Variants in USH2A observed in about 807,000 individuals in gnomAD.
The protein encoded by USH2A is usherin, also known as Usher syndrome 2A (autosomal recessive, mild).
Under a neutral mutation model 538.9 loss-of-function variants are expected in USH2A, and 443 were observed. The ratio of observed to expected loss-of-function variants is 0.82; its 90% confidence interval spans 0.76 to 0.89. The LOEUF (loss-of-function observed/expected upper bound fraction) is 0.89. Among genes scored for constraint, USH2A ranks in the 40% least tolerant of loss-of-function variants. The probability of loss-of-function intolerance (pLI) is 0.00; values close to 1 mark genes in which losing one functional copy is unlikely to be tolerated. For synonymous variants in USH2A, 2,413 were observed against 2,273.5 expected (o/e 1.06, Z -1.75); for missense variants, 6,633 against 6,324.8 (o/e 1.05, Z -1.65).
chr1:216,309,455 C>G (rs548800489), intron 9 of USH2A, among the ~76,000 whole-genome samples: 2 of 152,076 alleles, frequency 1.3e-5, no homozygotes, highest in African/African-American at 4.8e-5. Context: ...ATGTTCAGCA[C>G]ATTTAGATTT....
intron 20 of USH2A, among the ~76,000 whole-genome samples, chr1:216,179,306 T>C (rs931672485): frequency 6.6e-6 from 1 of 152,128 alleles, no homozygotes; most frequent in Admixed American, 6.6e-5. Flanking sequence ...GAGCACACTT[T>C]TTTTTTAATT....
At position 215,859,199 on chromosome 1, in the gene USH2A, C is replaced by T. The variant is rs528606662; in HGVS notation, c.8845+7808G>A. 2.0e-5 allele frequency among the ~76,000 whole-genome samples: 3 copies of T among 152,186 alleles called. No homozygotes were observed. The East Asian group carries it at 5.8e-4, about 29-fold the overall frequency. On this transcript the variant is annotated intron_variant, in intron 44 of 71. Transcript: ENST00000307340. The stretch of plus-strand genomic sequence containing the variant: ...TAACACAGGTGTGAACTGCTTGGGT[C>T]CATTTATAAAGGGACTTTTTTCAAC...
In USH2A at chr1:216,097,097, G is replaced by C. The variant is rs866592573; in HGVS notation, c.4744C>G (p.Leu1582Val). 6.2e-7 allele frequency: 1 copy of C among 1,613,762 alleles called. No individual in the cohort carries two copies. Among genetic ancestry groups the C allele is most frequent in the East Asian group, 2.2e-5 (1 of 44,866 alleles). The change falls in exon 22 of 72, where the codon CTT becomes GTT. Residue 1582 changes from leucine (L) to valine (V), a missense_variant. Leu to Val is a conservative substitution (Grantham distance 32). Coordinates refer to ENST00000307340, the MANE Select transcript of USH2A (RefSeq NM_206933.4). ...TTCTCATTTACCTGAGGATCAAAAA[G>C]AAAATAAAGACGTCCCTTCTTCAAC... ...LQLKKGRLYF[L>V]FDPQGSPVEV...
At chr1:216,277,222 C>T (rs987894206) in intron 11 of USH2A, among the ~76,000 whole-genome samples, 1 of 152,144 alleles carries the variant, frequency 6.6e-6, no homozygotes, top group African/African-American at 2.4e-5. Flanking sequence ...CTTAATTGCT[C>T]TCCCAGCCCC....
rs563569058 is a variant in USH2A at position 216,145,608 on chromosome 1, C to T, written c.4627+29644G>A. On this transcript the variant is annotated intron_variant, in intron 21 of 71. Transcript: ENST00000307340. ...ATATTCCCACAAGTCCTGTGTCAGG[C>T]CTCTGAGCCCAAGCCAAGCCATCGC... 2.5e-4 allele frequency among the ~76,000 whole-genome samples: 38 copies of T among 152,324 alleles called. 1 individual carries two copies. In the South Asian group the frequency reaches 7.5e-3, roughly 30 times the overall value.
In USH2A at chr1:215,803,770, T is replaced by C. The variant is rs1476833006; in HGVS notation, c.9740-4645A>G. Among the ~76,000 whole-genome samples, 28 of 152,184 alleles carry C rather than the reference T, an allele frequency of 1.8e-4. No homozygotes were observed. In the East Asian group the frequency reaches 5.2e-3, roughly 28 times the overall value. On this transcript the variant is annotated intron_variant, in intron 49 of 71. Coordinates refer to ENST00000307340, the MANE Select transcript of USH2A (RefSeq NM_206933.4). ...GCTACCAATGACTTTCTTCACAGAA[T>C]TGGAAAAAACTACTTTAAAATTCAT... is the stretch of plus-strand genomic sequence containing the variant.
intron 38 of USH2A, among the ~76,000 whole-genome samples, chr1:215,921,936 A>C (rs2102489124): frequency 6.6e-6 from 1 of 152,176 alleles, no homozygotes; most frequent in South Asian, 2.1e-4. Flanking sequence ...TCTTTTTAGC[A>C]AATAAAAGGT....
chr1:216,314,637 A>C (rs900153259), intron 9 of USH2A, among the ~76,000 whole-genome samples: 1 of 152,116 alleles, frequency 6.6e-6, no homozygotes, highest in African/African-American at 2.4e-5. Flanking sequence ...AGCATTCTAG[A>C]GTGTGATGTT....
At chr1:215,705,953 T>C (rs1473713491) in intron 61 of USH2A, among the ~76,000 whole-genome samples, 1 of 152,226 alleles carries the variant, frequency 6.6e-6, no homozygotes, top group East Asian at 1.9e-4. Context: ...CTCAAGAGTA[T>C]CTCAAAGGAT....
intron 30 of USH2A, among the ~76,000 whole-genome samples, chr1:216,050,600 CTTTCTTTTT>C (rs1192964618): frequency 3.4e-4 from 16 of 47,570 alleles, no homozygotes; most frequent in Non-Finnish European, 6.4e-4. Context: ...TTCTTTCTTT[CTTTCTTTTT>C]TTTTTTTTTT....
intron 3 of USH2A, among the ~76,000 whole-genome samples, chr1:216,386,493 AAAC>A (rs2039009640): frequency 1.8e-4 from 1 of 5,674 alleles, no homozygotes; most frequent in Non-Finnish European, 0.02. Flanking sequence ...TCAAAAAAAC[AAAC>A]AAACAAACAA....
At chr1:216,380,724 G>A (rs2102733054) in intron 3 of USH2A, among the ~76,000 whole-genome samples, 1 of 152,078 alleles carries the variant, frequency 6.6e-6, no homozygotes, top group South Asian at 2.1e-4. Context: ...TACTAATCAT[G>A]GAAAAGATAA....
intron 29 of USH2A, 81 bp from the exon 30 acceptor site, chr1:216,070,373 G>T (rs748553216): frequency 2.5e-5 from 33 of 1,309,138 alleles, no homozygotes; most frequent in Non-Finnish European, 3.5e-5. Flanking sequence ...TTTAATGGCC[G>T]CAGTAAATCA....
At chr1:215,730,948 C>T (rs1659978040) in intron 60 of USH2A, among the ~76,000 whole-genome samples, 1 of 152,198 alleles carries the variant, frequency 6.6e-6, no homozygotes, top group African/African-American at 2.4e-5. Context: ...GGCTCATAGC[C>T]AAGGACTCTT....
intron 10 of USH2A, among the ~76,000 whole-genome samples, chr1:216,291,935 A>AACAAC (rs1218395634): frequency 6.6e-6 from 1 of 152,102 alleles, no homozygotes; most frequent in East Asian, 1.9e-4. Flanking sequence ...AACAAAACAA[A>AACAAC]ACAACAACAA....
intron 9 of USH2A, among the ~76,000 whole-genome samples, chr1:216,299,400 T>C (rs1472950106): frequency 5.9e-5 from 9 of 152,140 alleles, no homozygotes; most frequent in Non-Finnish European, 1.0e-4. Flanking sequence ...TGGACTTATC[T>C]ATAGATATAA....
chr1:215,868,314 T>C (rs1419323451), intron 43 of USH2A, among the ~76,000 whole-genome samples: 1 of 152,178 alleles, frequency 6.6e-6, no homozygotes, highest in Non-Finnish European at 1.5e-5. Flanking sequence ...GTAGAAGAAA[T>C]CTGCTTGACT....
intron 44 of USH2A, among the ~76,000 whole-genome samples, chr1:215,860,399 A>C (rs12129954): frequency 0.021 from 3,000 of 144,874 alleles, 43 homozygotes; most frequent in Middle Eastern, 0.032. Flanking sequence ...TGGTTTGTAC[A>C]TTTATTTGAT....
chr1:215,625,545 A>G lies in USH2A; in HGVS notation c.*236T>C. The G allele has an allele frequency of 5.4e-6, 3 of 557,342 alleles. No homozygotes were observed. The highest frequency in any genetic ancestry group is 9.6e-6 in the Non-Finnish European group (3 of 311,166). The allele number at this position is 557,342 out of a possible 1,614,324, so 34.5% of individuals were successfully genotyped here. ...TACATACTTCTTTGTCTTCTACAAA[A>G]TAAGAGCAAATCAAGTATTTTCATA... On this transcript the variant is annotated 3_prime_UTR_variant, in exon 72 of 72. Coordinates refer to ENST00000307340, the MANE Select transcript of USH2A (RefSeq NM_206933.4).
Sources: allele counts gnomAD v4.1 joint callset (sites outside exome capture counted in the v4.1 genomes callset), GRCh38; gene constraint gnomAD v4.1.1; transcripts MANE v1.5; gene names NCBI Gene and HGNC (gene_info 2026-07-23, HGNC 2026-07-21).